Variants in RYR2 observed in about 807,000 individuals in gnomAD.
The protein encoded by RYR2 is ryanodine receptor 2.
A neutral mutation model predicts 601.1 loss-of-function variants in RYR2; 227 were observed. The observed-to-expected ratio is 0.38, with a 90% CI of 0.34 to 0.42. The LOEUF is 0.42. RYR2 is among the 10% of genes least tolerant of loss of function. The probability of loss-of-function intolerance (pLI) is 1.00; values close to 1 mark genes in which losing one functional copy is unlikely to be tolerated. For missense variants in RYR2, 4,646 were observed against 6,156.5 expected, an observed-to-expected ratio of 0.75 and a Z score of 8.21; for synonymous variants, 2,223 against 2,175.1, an observed-to-expected ratio of 1.02 and a Z score of -0.61.
chr1:237,284,046 G>A (rs796920049), intron 2 of RYR2, among the ~76,000 whole-genome samples: 8 of 152,252 alleles, frequency 5.3e-5, no homozygotes, highest in African/African-American at 1.9e-4. Flanking sequence ...GAGGACATAC[G>A]ATGTTTGGTT....
rs574927151 is a variant in RYR2 at position 237,493,907 on chromosome 1, C to T, written c.1961+820C>T. 1.6e-4 allele frequency among the ~76,000 whole-genome samples: 24 copies of T among 152,264 alleles called. No homozygotes were observed. In the South Asian group the frequency reaches 4.1e-3, roughly 26 times the overall value. On this transcript the variant is annotated intron_variant, in intron 19 of 104. Coordinates refer to ENST00000366574, the MANE Select transcript of RYR2 (RefSeq NM_001035.3). ...ATTGAATACCATGTGCCAGCTGTGG[C>T]GCTAAGGGCTTTACGTGTATTCTCT...
chr1:237,272,033 G>A (rs772482938), intron 2 of RYR2, among the ~76,000 whole-genome samples: 13 of 152,128 alleles, frequency 8.5e-5, no homozygotes, highest in Non-Finnish European at 1.6e-4. Context: ...GGGAGGCTGA[G>A]GCACAAGAAT....
chr1:237,659,996 A>T lies in RYR2; in HGVS notation c.8220A>T (p.Gly2740=). Residue 2740 remains glycine (G), a synonymous_variant, in exon 55 of 105, where the codon GGA becomes GGT. Coordinates refer to ENST00000366574, the MANE Select transcript of RYR2 (RefSeq NM_001035.3). ...TGCCTTTTTTTAAGTTGGCAAATGG[A>T]TGGATTTATGGAGAAATATATTCAG... ...DKWSMDKLAN[G]WIYGEIYSDS... is the part of the protein sequence containing the mutation. 6.3e-7 allele frequency: 1 copy of T among 1,582,752 alleles called. No individual in the cohort carries two copies. The highest frequency in any genetic ancestry group is 8.6e-7 in the Non-Finnish European group (1 of 1,168,880).
At chr1:237,636,553 G>A (rs555096058) in intron 44 of RYR2, among the ~76,000 whole-genome samples, 1 of 152,336 alleles carries the variant, frequency 6.6e-6, no homozygotes, top group African/African-American at 2.4e-5. Context: ...GGAGCAGCTA[G>A]AACTCTCTTC....
At chr1:237,503,162 A>G (rs1197919378) in intron 21 of RYR2, 127 bp from the exon 22 acceptor site, 6 of 735,570 alleles carry the variant, frequency 8.2e-6, no homozygotes, top group Non-Finnish European at 1.1e-5. Flanking sequence ...TTATGATGGT[A>G]CGTAGGGGAA....
At chr1:237,100,497 C>T (rs1290781065) in intron 1 of RYR2, among the ~76,000 whole-genome samples, 1 of 151,928 alleles carries the variant, frequency 6.6e-6, no homozygotes, top group Non-Finnish European at 1.5e-5. Context: ...AGTGATTCTC[C>T]TGTCTCAGCT....
At chr1:237,527,206 C>T (rs1185759172) in intron 24 of RYR2, among the ~76,000 whole-genome samples, 1 of 152,036 alleles carries the variant, frequency 6.6e-6, no homozygotes, top group African/African-American at 2.4e-5. Context: ...TTACTATATC[C>T]TTATATATAA....
chr1:237,808,249 G>T (rs974057529), intron 99 of RYR2, among the ~76,000 whole-genome samples: 2 of 152,002 alleles, frequency 1.3e-5, no homozygotes, highest in Admixed American at 6.6e-5. Flanking sequence ...GATTTCAGGG[G>T]CAATACAAAT....
At chr1:237,759,377 C>T (rs1180922465) in intron 82 of RYR2, among the ~76,000 whole-genome samples, 2 of 152,128 alleles carry the variant, frequency 1.3e-5, no homozygotes, top group South Asian at 2.1e-4. Flanking sequence ...TGAACCACCA[C>T]GCCCAGCCTG....
intron 11 of RYR2, among the ~76,000 whole-genome samples, chr1:237,418,675 A>G (rs1705251454): frequency 6.6e-6 from 1 of 152,140 alleles, no homozygotes; most frequent in African/African-American, 2.4e-5. Context: ...CAATAAAAAT[A>G]TATATTATTC....
chr1:237,126,580 T>C (rs1340076750), intron 1 of RYR2, among the ~76,000 whole-genome samples: 1 of 152,092 alleles, frequency 6.6e-6, no homozygotes, highest in Non-Finnish European at 1.5e-5. Context: ...CCCTCTTTCT[T>C]CCACAGGTGT....
Position 237,628,054 on chromosome 1 carries a change from A to G in RYR2, c.6414A>G (p.Glu2138=). ...SLLSVRMGKE[E]EKLMIRGLGD... is the part of the protein sequence containing the mutation. ...TGAGTGTGAGAATGGGCAAAGAAGA[A>G]GAGAAGCTCATGATTCGTGGATTAG... is the stretch of plus-strand genomic sequence containing the variant. Residue 2138 remains glutamate, a synonymous_variant, in exon 41 of 105, where the codon GAA becomes GAG. Coordinates refer to ENST00000366574, the MANE Select transcript of RYR2 (RefSeq NM_001035.3). The G allele has an allele frequency of 6.2e-7, 1 of 1,613,898 alleles. No individual in the cohort carries two copies. The highest frequency in any genetic ancestry group is 1.1e-5 in the South Asian group (1 of 91,080).
intron 25 of RYR2, among the ~76,000 whole-genome samples, chr1:237,542,062 ATTTATT>A (rs1558996737): frequency 0.024 from 2,961 of 122,132 alleles, 38 homozygotes; most frequent in South Asian, 0.049. Flanking sequence ...TTTTGTCTTT[ATTTATT>A]TATTTATTTA....
At chr1:237,500,010 G>A (rs1312339606) in intron 20 of RYR2, among the ~76,000 whole-genome samples, 2 of 152,102 alleles carry the variant, frequency 1.3e-5, no homozygotes, top group African/African-American at 4.8e-5. Context: ...CACACCTCCA[G>A]TTATATCCTG....
intron 2 of RYR2, among the ~76,000 whole-genome samples, chr1:237,292,073 T>A (rs1190514217): frequency 6.6e-6 from 1 of 152,120 alleles, no homozygotes; most frequent in African/African-American, 2.4e-5. Context: ...GAACATAAAA[T>A]TGCTGTAAAA....
intron 79 of RYR2, among the ~76,000 whole-genome samples, chr1:237,741,544 C>A (rs1040953559): frequency 1.3e-5 from 2 of 152,034 alleles, no homozygotes; most frequent in African/African-American, 4.8e-5. Context: ...ATACTACAGA[C>A]CATAATAATA....
intron 2 of RYR2, among the ~76,000 whole-genome samples, chr1:237,303,052 C>T (rs1054386217): frequency 2.0e-5 from 3 of 152,102 alleles, no homozygotes; most frequent in Non-Finnish European, 2.9e-5. Context: ...AAGAATTGTA[C>T]TTCTTTGATT....
intron 1 of RYR2, among the ~76,000 whole-genome samples, chr1:237,085,936 G>T (rs1048226026): frequency 6.6e-6 from 1 of 152,282 alleles, no homozygotes; most frequent in East Asian, 1.9e-4. Flanking sequence ...TGTATTTTTG[G>T]TGGAGATGGG....
At chr1:237,273,957 G>A (rs1017410912) in intron 2 of RYR2, among the ~76,000 whole-genome samples, 62 of 143,020 alleles carry the variant, frequency 4.3e-4, no homozygotes, top group South Asian at 1.5e-3. Context: ...ATTATATAAC[G>A]CATATATTAA....
Sources: gnomAD v4.1 joint callset for allele counts (sites outside exome capture counted in the v4.1 genomes callset) on GRCh38, gnomAD v4.1.1 for gene constraint, MANE v1.5 for transcripts, NCBI Gene and HGNC (gene_info 2026-07-23, HGNC 2026-07-21) for gene names.